Variants in CCAR2 observed in about 807,000 individuals in gnomAD.
CCAR2 encodes cell cycle and apoptosis regulator protein 2.
A neutral mutation model predicts 108.1 loss-of-function variants in CCAR2; 21 were observed. The ratio of observed to expected loss-of-function variants is 0.19; its 90% confidence interval spans 0.14 to 0.28. CCAR2 has a LOEUF of 0.28. CCAR2 is among the 10% of genes least tolerant of loss of function. The pLI is 1.00. For missense variants in CCAR2, 1,126 were observed against 1,177.0 expected, an observed-to-expected ratio of 0.96 and a Z score of 0.63; for synonymous variants, 577 against 472.8, an observed-to-expected ratio of 1.22 and a Z score of -2.86.
Position 22,605,789 on chromosome 8 carries a change from C to T in CCAR2, c.16C>T (p.Arg6Cys). 1 of 1,613,970 alleles carries T rather than the reference C, an allele frequency of 6.2e-7. No individual in the cohort carries two copies. The highest frequency in any genetic ancestry group is 8.5e-7 in the Non-Finnish European group (1 of 1,179,894). Residue 6 changes from arginine to cysteine, a missense_variant, in exon 2 of 21, where the codon CGC becomes TGC. Around this residue, in one of 4 missense-constraint regions of CCAR2, gnomAD observed 52 missense variants for 63.7 expected, o/e 0.82. Coordinates refer to ENST00000308511, the MANE Select transcript of CCAR2 (RefSeq NM_001393997.1). Reference sequence around the variant, plus strand: ...AGCGTTCCCAATGTCCCAGTTTAAGCGCCAGCGGATCAACCCGCTTCCAGG... The same window carrying T: ...AGCGTTCCCAATGTCCCAGTTTAAGTGCCAGCGGATCAACCCGCTTCCAGG... MSQFK[R>C]QRINPLPGGR...
chr8:22,621,273 G>T, downstream of CCAR2: 1 of 1,078,346 alleles, frequency 9.3e-7, no homozygotes, highest in Non-Finnish European at 1.3e-6. Context: ...CTGGTGCCAG[G>T]CTCAGGAAGA....
chr8:22,613,310 T>C (rs990271822), intron 8 of CCAR2, among the ~76,000 whole-genome samples, 174 bp downstream of exon 8: 7 of 152,106 alleles, frequency 4.6e-5, no homozygotes, highest in Non-Finnish European at 8.8e-5. Flanking sequence ...TTTCACTGAA[T>C]GTACTTTAGA....
At chr8:22,611,386 A>ATGTGTGTGTGTGTGTGTGTGTGTGTGTG (rs200942064) in intron 7 of CCAR2, among the ~76,000 whole-genome samples, 63 of 8,984 alleles carry the variant, frequency 7.0e-3, no homozygotes, top group African/African-American at 0.018. Flanking sequence ...AAAAGTATAT[A>ATGTGTGTGTGTGTGTGTGTGTGTGTGTG]TATGTGTGTG....
At position 22,613,147 on chromosome 8, in the gene CCAR2, A is replaced by C; in HGVS notation, c.704+11A>C. On this transcript the variant is annotated intron_variant, in intron 8 of 20. Coordinates refer to ENST00000308511, the MANE Select transcript of CCAR2 (RefSeq NM_001393997.1). Reference sequence around the variant, plus strand: ...TTACACTGTGGACAGGTGAGTGGCGAGGCTGAGGTGGGCTGAGTCTTGCTG... The same window carrying C: ...TTACACTGTGGACAGGTGAGTGGCGCGGCTGAGGTGGGCTGAGTCTTGCTG... 1 of 1,569,968 alleles carries C rather than the reference A, an allele frequency of 6.4e-7. No homozygotes were observed. Among genetic ancestry groups the C allele is most frequent in the East Asian group, 2.3e-5 (1 of 43,668 alleles).
chr8:22,612,038 C>T (rs561887356), intron 7 of CCAR2, among the ~76,000 whole-genome samples: 2 of 151,828 alleles, frequency 1.3e-5, no homozygotes, highest in African/African-American at 2.4e-5. Context: ...TCCGCCTCCC[C>T]GGTTCAAGCG....
At position 22,616,528 on chromosome 8, in the gene CCAR2, A is replaced by T. The variant is rs973835220; in HGVS notation, c.1845+280A>T. ...TGATTGCCTGATGGTTAACTAGAAA[A>T]TTTTGTAGGCCGGGCGCTGTAGCTC... On this transcript the variant is annotated intron_variant, in intron 14 of 20. Coordinates refer to ENST00000308511, the MANE Select transcript of CCAR2 (RefSeq NM_001393997.1). The T allele has an allele frequency of 1.5e-4, 74 of 478,866 alleles. No individual in the cohort carries two copies. In the Middle Eastern group the frequency reaches 4.6e-3, roughly 30 times the overall value. The allele number at this position is 478,866 out of a possible 1,614,324, so 29.7% of individuals were successfully genotyped here.
intron 8 of CCAR2, among the ~76,000 whole-genome samples, 179 bp downstream of exon 8, chr8:22,613,315 TTTA>T (rs1801366132): frequency 6.6e-6 from 1 of 152,100 alleles, no homozygotes; most frequent in African/African-American, 2.4e-5. Flanking sequence ...CTGAATGTAC[TTTA>T]GATTTTATTT....
intron 13 of CCAR2, 24 bp downstream of exon 13, chr8:22,615,936 G>T: frequency 2.5e-6 from 4 of 1,613,434 alleles, no homozygotes; most frequent in Non-Finnish European, 3.4e-6. Flanking sequence ...GTCTTGGGGA[G>T]GCTGTGGGCT....
intron 1 of CCAR2, 101 bp from the exon 2 acceptor site, chr8:22,605,635 C>T: frequency 1.5e-6 from 1 of 685,262 alleles, no homozygotes; most frequent in Non-Finnish European, 2.6e-6. Flanking sequence ...TTACCCACCT[C>T]CCTGTTTTCC....
chr8:22,615,637 C>G (rs762856301), intron 12 of CCAR2, 41 bp downstream of exon 12: 1 of 1,613,632 alleles, frequency 6.2e-7, no homozygotes, highest in South Asian at 1.1e-5. Flanking sequence ...ATATAGGTGG[C>G]CTAATCCCGG....
At chr8:22,617,361 C>G in intron 14 of CCAR2, 59 bp from the exon 15 acceptor site, 1 of 1,511,874 alleles carries the variant, frequency 6.6e-7, no homozygotes, top group Non-Finnish European at 8.8e-7. Flanking sequence ...GCCATGCTTA[C>G]TATTGGTAAT....
intron 13 of CCAR2, 43 bp downstream of exon 13, chr8:22,615,955 T>C: frequency 6.2e-7 from 1 of 1,612,904 alleles, no homozygotes. Flanking sequence ...CTGGGATTTG[T>C]GGGCCTGAAG....
At chr8:22,609,310 ATATT>A (rs935292107) in intron 7 of CCAR2, among the ~76,000 whole-genome samples, 4 of 152,118 alleles carry the variant, frequency 2.6e-5, no homozygotes, top group Admixed American at 6.5e-5. Flanking sequence ...AAATAAGTAA[ATATT>A]TATTTATTTT....
intron 7 of CCAR2, among the ~76,000 whole-genome samples, chr8:22,610,723 A>G (rs981153153): frequency 6.6e-6 from 1 of 152,252 alleles, no homozygotes; most frequent in Non-Finnish European, 1.5e-5. Context: ...TCTTCAGCTT[A>G]GTCACTGGGG....
rs766826982 is a variant in CCAR2, at chr8:22,614,265, C to G, written c.878C>G (p.Ala293Gly). ...TCTGAAAAGGAGGCAGCTCCAGACGCTGGTGCTGAGCCCATCACTGCAGAC... is the reference window on the plus strand; with the variant it reads ...TCTGAAAAGGAGGCAGCTCCAGACGGTGGTGCTGAGCCCATCACTGCAGAC... Reference protein sequence around the residue: ...VSSEKEAAPDAGAEPITADSD... With the variant: ...VSSEKEAAPDGGAEPITADSD... The change falls in exon 9 of 21, where the codon GCT becomes GGT. Residue 293 changes from alanine (A) to glycine (G), a missense_variant. Ala to Gly is a moderately conservative substitution (Grantham distance 60). Coordinates refer to ENST00000308511, the MANE Select transcript of CCAR2 (RefSeq NM_001393997.1). 3.7e-6 allele frequency: 6 copies of G among 1,613,926 alleles called. No individual in the cohort carries two copies. In the South Asian group the frequency reaches 6.6e-5, roughly 18 times the overall value.
intron 7 of CCAR2, among the ~76,000 whole-genome samples, chr8:22,610,174 G>A (rs1030991654): frequency 5.3e-5 from 8 of 152,230 alleles, no homozygotes; most frequent in South Asian, 2.1e-4. Context: ...TAGAGAGAAT[G>A]TGCAGAGTGG....
At position 22,615,801 on chromosome 8, in the gene CCAR2, G is replaced by C; in HGVS notation, c.1497G>C (p.Glu499Asp). The stretch of plus-strand genomic sequence containing the variant: ...AGGAAACGGACACTGATCTCCCAGA[G>C]GCCCCTCCACCCCCCCTAGAACCTG... ...TQQETDTDLPEAPPPPLEPAV... is the reference protein window; with the variant it reads ...TQQETDTDLPDAPPPPLEPAV... Residue 499 changes from glutamate (E) to aspartate (D), a missense_variant, in exon 13 of 21, where the codon GAG (glutamate) becomes GAC (aspartate). Coordinates refer to ENST00000308511, the MANE Select transcript of CCAR2 (RefSeq NM_001393997.1). The C allele has an allele frequency of 6.2e-7, 1 of 1,613,974 alleles. No homozygotes were observed. The highest frequency in any genetic ancestry group is 1.1e-5 in the South Asian group (1 of 91,082).
At chr8:22,611,493 A>G (rs549555773) in intron 7 of CCAR2, among the ~76,000 whole-genome samples, 4 of 151,278 alleles carry the variant, frequency 2.6e-5, no homozygotes, top group South Asian at 4.2e-4. Context: ...TGTGGTTTCT[A>G]CCTTCTTTCT....
Position 22,618,918 on chromosome 8 carries a change from C to G in CCAR2, c.2424C>G (p.Ser808Arg), listed in dbSNP as rs1210685473. ...EHKALVSHNGSLINVGSLLQR... is the reference protein window; with the variant it reads ...EHKALVSHNGRLINVGSLLQR... Reference sequence around the variant, plus strand: ...AAGCCTTGGTGTCCCACAATGGCAGCCTGATTAACGTGGGGAGCCTGCTGC... The same window carrying G: ...AAGCCTTGGTGTCCCACAATGGCAGGCTGATTAACGTGGGGAGCCTGCTGC... Residue 808 changes from serine to arginine, a missense_variant, in exon 19 of 21, where the codon AGC (serine) becomes AGG (arginine). Physicochemically the swap from Ser to Arg is moderately radical, Grantham distance 110. This residue lies in a region of CCAR2 where 1,013 missense variants were observed against 993.9 expected (regional missense o/e 1.02). Coordinates refer to ENST00000308511, the MANE Select transcript of CCAR2 (RefSeq NM_001393997.1). 1 of 1,613,878 alleles carries G rather than the reference C, an allele frequency of 6.2e-7. No homozygotes were observed. The highest frequency in any genetic ancestry group is 8.5e-7 in the Non-Finnish European group (1 of 1,180,050).
Sources: gnomAD v4.1 joint callset for allele counts (sites outside exome capture counted in the v4.1 genomes callset) on GRCh38, gnomAD v4.1.1 for gene constraint, gnomAD v4.1.1 regional missense constraint, MANE v1.5 for transcripts, NCBI Gene and HGNC (gene_info 2026-07-23, HGNC 2026-07-21) for gene names.